Variants in FBXO46 observed in about 807,000 individuals in gnomAD.
The protein encoded by FBXO46 is F-box protein 46.
Under a neutral mutation model 30.7 loss-of-function variants are expected in FBXO46, and 13 were observed. The ratio of observed to expected loss-of-function variants is 0.42; its 90% CI spans 0.28 to 0.67. The LOEUF is 0.67. FBXO46 is among the 30% of genes least tolerant of loss of function. The probability of loss-of-function intolerance (pLI) is 0.21; values close to 1 mark genes in which losing one functional copy is unlikely to be tolerated. For synonymous variants in FBXO46, 467 were observed against 385.8 expected (o/e 1.21, Z -2.47); for missense variants, 754 against 871.5 (o/e 0.87, Z 1.70).
chr19:45,731,251 GT>G (rs1370721827), upstream of FBXO46, among the ~76,000 whole-genome samples: 3 of 151,794 alleles, frequency 2.0e-5, no homozygotes. Flanking sequence ...TGATTCATTT[GT>G]GCCGATCAAC....
chr19:45,718,231 G>C (rs1968127440), intron 1 of FBXO46, among the ~76,000 whole-genome samples: 1 of 152,192 alleles, frequency 6.6e-6, no homozygotes, highest in Admixed American at 6.5e-5. Flanking sequence ...CCCGGTAGGA[G>C]TGATCGTCTC....
chr19:45,717,251 C>G (rs1214372092), intron 1 of FBXO46: 1 of 152,068 alleles, frequency 6.6e-6, no homozygotes, highest in Non-Finnish European at 1.5e-5. Flanking sequence ...CACACGCCCC[C>G]AAAGAGCCCT....
chr19:45,711,705 G>A lies in FBXO46; in HGVS notation c.1791C>T (p.Ala597=), dbSNP rs1289677696. 3.3e-6 allele frequency: 5 copies of A among 1,530,728 alleles called. No homozygotes were observed. Among genetic ancestry groups the A allele is most frequent in the East Asian group, 2.5e-5 (1 of 40,736 alleles). 94.8% of individuals were successfully genotyped at this position (1,530,728 alleles called of 1,614,324 possible). ...LPCNGPGGGR[A]GREEGR is the part of the protein sequence containing the mutation. ...GGCTTCACCTCCCCTCCTCCCGGCC[G>A]GCCCGGCCCCCGCCTGGCCCATTGC... The change falls in exon 2 of 2, where the codon GCC becomes GCT. Residue 597 remains alanine, a synonymous_variant. Coordinates refer to ENST00000317683, the MANE Select transcript of FBXO46 (RefSeq NM_001080469.2).
rs1568544639 is a variant in FBXO46 at position 45,712,446 on chromosome 19, C to T, written c.1050G>A (p.Ala350=). 3.1e-6 allele frequency: 5 copies of T among 1,610,690 alleles called. No individual in the cohort carries two copies. The highest frequency in any genetic ancestry group is 2.7e-5 in the African/African-American group (2 of 75,034). ...AGTCCCGGGCAGGGGGCGGAGGGGGCGCCGGGGGAGTGTCCTCAGGCCTGG... is the reference window on the plus strand; with the variant it reads ...AGTCCCGGGCAGGGGGCGGAGGGGGTGCCGGGGGAGTGTCCTCAGGCCTGG... ...APARPEDTPP[A]PPPPPARDCG... The change falls in exon 2 of 2, where the codon GCG becomes GCA. Residue 350 remains alanine, a synonymous_variant. Transcript: ENST00000317683. The surrounding 1 kb of genome is among the most constrained non-coding windows in gnomAD (Gnocchi z 8.8).
At chr19:45,732,095 G>A (rs1206737935), upstream of FBXO46, among the ~76,000 whole-genome samples, 1 of 151,128 alleles carries the variant, frequency 6.6e-6, no homozygotes, top group Non-Finnish European at 1.5e-5. Flanking sequence ...CCAGCCTGGG[G>A]GACAGAGCGA....
At chr19:45,718,110 C>T (rs2146151935) in intron 1 of FBXO46, among the ~76,000 whole-genome samples, 1 of 152,308 alleles carries the variant, frequency 6.6e-6, no homozygotes, top group South Asian at 2.1e-4. Context: ...CCAGGTACCC[C>T]ACCTGTCCAG....
rs769284170 is a variant in FBXO46 at position 45,712,213 on chromosome 19, G to A, written c.1283C>T (p.Pro428Leu). The part of the protein sequence containing the change: ...GPPEPPPADS[P>L]ATAPGPDDAE... The stretch of plus-strand genomic sequence containing the variant: ...ATCGTCTGGGCCGGGCGCAGTGGCC[G>A]GGGAGTCGGCCGGGGGTGGCTCCGG... Residue 428 changes from proline to leucine, a missense_variant, in exon 2 of 2, where the codon CCG becomes CTG. Pro to Leu is a moderately conservative substitution (Grantham distance 98, BLOSUM62 -3). This residue lies in a region of FBXO46 where 454 missense variants were observed against 426.5 expected (regional missense o/e 1.06). Transcript: ENST00000317683. The surrounding 1 kb of genome is among the most constrained non-coding windows in gnomAD (Gnocchi z 8.8). The A allele has an allele frequency of 5.2e-5, 84 of 1,604,666 alleles. No homozygotes were observed. In the African/African-American group the frequency reaches 6.0e-4, roughly 11 times the overall value.
chr19:45,732,774 C>T (rs544608615), upstream of FBXO46, among the ~76,000 whole-genome samples: 40 of 151,306 alleles, frequency 2.6e-4, no homozygotes, highest in Non-Finnish European at 4.7e-4. Flanking sequence ...TATTTTTAGC[C>T]GAGACGGGGT....
intron 1 of FBXO46, among the ~76,000 whole-genome samples, chr19:45,729,057 C>A (rs1968275393): frequency 6.6e-6 from 1 of 151,472 alleles, no homozygotes; most frequent in Non-Finnish European, 1.5e-5. Flanking sequence ...TTGCGGTGAG[C>A]CAAGATTGCA....
At chr19:45,718,942 TAA>T (rs397954439) in intron 1 of FBXO46, among the ~76,000 whole-genome samples, 11 of 119,412 alleles carry the variant, frequency 9.2e-5, no homozygotes, top group East Asian at 2.3e-4. Flanking sequence ...CATTACCCCT[TAA>T]AAAAAAAAAA....
chr19:45,721,398 T>C (rs1027471445), intron 1 of FBXO46, among the ~76,000 whole-genome samples: 9 of 151,856 alleles, frequency 5.9e-5, no homozygotes, highest in South Asian at 2.1e-4. Context: ...TGGTAAAGCG[T>C]AGATGTCTGA....
chr19:45,712,671 G>C lies in FBXO46; in HGVS notation c.825C>G (p.Asp275Glu). The C allele has an allele frequency of 6.2e-7, 1 of 1,612,650 alleles. No homozygotes were observed. Among genetic ancestry groups the C allele is most frequent in the Non-Finnish European group, 8.5e-7 (1 of 1,179,338 alleles). ...CCCCGCCCCCACTGGGCAGGCCGCT[G>C]TCTGGTGCACGGGGCTCCCGGCCGT... The part of the protein sequence containing the change: ...ISNGREPRAP[D>E]SGLPSGGGGR... Residue 275 changes from aspartate (D) to glutamate (E), a missense_variant, in exon 2 of 2, where the codon GAC becomes GAG. Transcript: ENST00000317683. The surrounding 1 kb of genome is among the most constrained non-coding windows in gnomAD (Gnocchi z 8.8).
At chr19:45,727,787 T>C (rs969301478) in intron 1 of FBXO46, among the ~76,000 whole-genome samples, 2 of 152,178 alleles carry the variant, frequency 1.3e-5, no homozygotes, top group Admixed American at 6.6e-5. Flanking sequence ...GAGGCCTTAA[T>C]GACCCAAAAG....
chr19:45,733,026 C>CT (rs1968347853), upstream of FBXO46, among the ~76,000 whole-genome samples: 1 of 152,152 alleles, frequency 6.6e-6, no homozygotes, highest in South Asian at 2.1e-4. The surrounding 1 kb of genome is among the most constrained non-coding windows in gnomAD (Gnocchi z 5.7). Context: ...TGGTGCTTGG[C>CT]ACACAGGAGG....
chr19:45,717,904 C>G (rs1176929437), intron 1 of FBXO46, among the ~76,000 whole-genome samples: 3 of 152,210 alleles, frequency 2.0e-5, no homozygotes. Flanking sequence ...GCCTCTAGGC[C>G]TGGCGTTCAA....
chr19:45,712,140 C>T lies in FBXO46; in HGVS notation c.1356G>A (p.Val452=). 6.3e-7 allele frequency: 1 copy of T among 1,594,542 alleles called. No homozygotes were observed. The highest frequency in any genetic ancestry group is 1.1e-5 in the South Asian group (1 of 89,252). The part of the protein sequence containing the change: ...DTSLCRLYRH[V]SHDFLEIRFK... ...AGCGGATCTCTAGGAAGTCGTGCGA[C>T]ACGTGCCGGTACAAGCGGCACAGGG... The change falls in exon 2 of 2, where the codon GTG becomes GTA. Residue 452 remains valine, a synonymous_variant. Coordinates refer to ENST00000317683, the MANE Select transcript of FBXO46 (RefSeq NM_001080469.2). The surrounding 1 kb of genome is among the most constrained non-coding windows in gnomAD (Gnocchi z 8.8).
In FBXO46 at chr19:45,711,103, T is replaced by TC. The variant is rs965459836; in HGVS notation, c.*580dup. On this transcript the variant is annotated 3_prime_UTR_variant, in exon 2 of 2. Coordinates refer to ENST00000317683, the MANE Select transcript of FBXO46 (RefSeq NM_001080469.2). ...TTGAGGTTAAGGAGAAAACAGTATT[T>TC]CCCCCCCACTTCTTTAATAGGCAAA... The TC allele has an allele frequency of 1.4e-4, 50 of 356,444 alleles. No individual in the cohort carries two copies. Among genetic ancestry groups the TC allele is most frequent in the South Asian group, 7.7e-4 (37 of 48,274 alleles). The allele number at this position is 356,444 out of a possible 1,614,324, so 22.1% of individuals were successfully genotyped here.
chr19:45,731,374 T>C (rs60356458), upstream of FBXO46, among the ~76,000 whole-genome samples: 66,477 of 149,010 alleles, frequency 0.45, 15,498 homozygotes, highest in East Asian at 0.64. Context: ...TGGAGTGCAG[T>C]GGCGCAATTT....
At chr19:45,722,558 C>T (rs938536302) in intron 1 of FBXO46, among the ~76,000 whole-genome samples, 16 of 152,126 alleles carry the variant, frequency 1.1e-4, no homozygotes, top group Non-Finnish European at 2.2e-4. Flanking sequence ...GTCAGGAGAT[C>T]GAGACCATCC....
Sources: gnomAD v4.1 joint callset for allele counts (sites outside exome capture counted in the v4.1 genomes callset) on GRCh38, gnomAD v4.1.1 for gene constraint, gnomAD v4.1.1 regional missense constraint, Gnocchi (gnomAD v3.1) non-coding constraint, MANE v1.5 for transcripts, NCBI Gene and HGNC (gene_info 2026-07-23, HGNC 2026-07-21) for gene names.